ARHGEF40: variants seen among roughly 807,000 people sequenced by gnomAD.
The protein encoded by ARHGEF40 is Rho guanine nucleotide exchange factor 40.
ARHGEF40 carries 98 observed loss-of-function variants against 165.9 expected under a neutral mutation model. The ratio of observed to expected loss-of-function variants is 0.59; its 90% CI spans 0.50 to 0.70. The LOEUF is 0.70. ARHGEF40 is among the 30% of genes least tolerant of loss of function. The pLI, the probability that ARHGEF40 is intolerant of heterozygous loss-of-function variation, is 0.00. For missense variants in ARHGEF40, 1,815 were observed against 1,968.0 expected (o/e 0.92, Z 1.47); for synonymous variants, 792 against 814.3 (o/e 0.97, Z 0.47).
At chr14:21,088,598 A>C (rs1397927916) in intron 22 of ARHGEF40, among the ~76,000 whole-genome samples, 1 of 152,024 alleles carries the variant, frequency 6.6e-6, no homozygotes, top group Non-Finnish European at 1.5e-5. Flanking sequence ...AAGCAGGAGG[A>C]TCTCTTGAGC....
rs1594550741 is a variant in ARHGEF40, at chr14:21,073,815, G to A, written c.202-117G>A. Reference sequence around the variant, plus strand: ...CAAATCTCCCCTCCTGCTCTCCTGAGAGTATAACCTTCCAGGCATAAGGCT... The same window carrying A: ...CAAATCTCCCCTCCTGCTCTCCTGAAAGTATAACCTTCCAGGCATAAGGCT... On this transcript the variant is annotated intron_variant, in intron 2 of 23. Transcript: ENST00000298694. This position sits in a 1 kb window ranked among gnomAD's most constrained non-coding sequence, Gnocchi z 4.6. The A allele has an allele frequency of 8.2e-7, 1 of 1,217,262 alleles. No individual in the cohort carries two copies. Among genetic ancestry groups the A allele is most frequent in the Non-Finnish European group, 1.1e-6 (1 of 878,974 alleles). 75.4% of individuals were successfully genotyped at this position (1,217,262 alleles called of 1,614,324 possible). A position where few individuals can be genotyped will look rare whatever the true frequency, so the allele number is the denominator to read the frequency against.
rs75882726 is a variant in ARHGEF40 at position 21,087,415 on chromosome 14, C to T, written c.4339C>T (p.Arg1447Cys). Residue 1447 changes from arginine (R) to cysteine (C), a missense_variant, in exon 21 of 24, where the codon CGC (arginine) becomes TGC (cysteine). Coordinates refer to ENST00000298694, the MANE Select transcript of ARHGEF40 (RefSeq NM_018071.5). Reference protein sequence around the residue: ...LSPGACSLPARVEEEAWDLDV... With the variant: ...LSPGACSLPACVEEEAWDLDV... Reference sequence around the variant, plus strand: ...GCCGGGAGCCTGCTCCCTGCCTGCCCGCGTCGAGGAGGAGGCCTGGGATCT... The same window carrying T: ...GCCGGGAGCCTGCTCCCTGCCTGCCTGCGTCGAGGAGGAGGCCTGGGATCT... The T allele has an allele frequency of 5.2e-4, 839 of 1,601,728 alleles. 17 individuals carry two copies. The East Asian group carries it at 0.017, about 32-fold the overall frequency.
intron 15 of ARHGEF40, 71 bp downstream of exon 15, chr14:21,082,549 TTCTC>T: frequency 6.9e-7 from 1 of 1,450,950 alleles, no homozygotes; most frequent in Middle Eastern, 2.5e-4. Flanking sequence ...CTGTCCCTCT[TTCTC>T]AGTACCCACG....
chr14:21,087,575 C>A, intron 21 of ARHGEF40, 112 bp downstream of exon 21: 1 of 1,432,754 alleles, frequency 7.0e-7, no homozygotes, highest in Non-Finnish European at 9.4e-7. Flanking sequence ...GTTGCCATGA[C>A]AACTATGTAC....
chr14:21,076,484 C>T, intron 6 of ARHGEF40, 28 bp downstream of exon 6: 1 of 1,613,936 alleles, frequency 6.2e-7, no homozygotes, highest in Admixed American at 1.7e-5. Flanking sequence ...AGGCAGTTCC[C>T]CTGGATCCTA....
At position 21,081,048 on chromosome 14, in the gene ARHGEF40, C is replaced by T. The variant is rs764667593; in HGVS notation, c.2640+32C>T. On this transcript the variant is annotated intron_variant, in intron 13 of 23. Coordinates refer to ENST00000298694, the MANE Select transcript of ARHGEF40 (RefSeq NM_018071.5). ...GCAGAGCCTTTTCCTTCTGTGCCCC[C>T]CCATTTCCATTTATTCACTTCCTTT... 1.8e-5 allele frequency: 29 copies of T among 1,589,328 alleles called. 1 individual carries two copies. The highest frequency in any genetic ancestry group is 1.1e-4 in the South Asian group (10 of 88,510).
chr14:21,084,552 G>A (rs1433987632), intron 17 of ARHGEF40, among the ~76,000 whole-genome samples: 1 of 152,226 alleles, frequency 6.6e-6, no homozygotes, highest in Non-Finnish European at 1.5e-5. Context: ...GCCGTCTTCA[G>A]AGGCAGGGCT....
At position 21,074,112 on chromosome 14, in the gene ARHGEF40, G is replaced by A. The variant is rs1439851601; in HGVS notation, c.382G>A (p.Gly128Ser). The change falls in exon 3 of 24, where the codon GGT becomes AGT. Residue 128 changes from glycine (G) to serine (S), a missense_variant. Gly to Ser is a moderately conservative substitution (Grantham distance 56). Transcript: ENST00000298694. The surrounding 1 kb of genome is among the most constrained non-coding windows in gnomAD (Gnocchi z 4.8). ...RLALKCLAPG[G>S]GRVQEVPVPN... The stretch of plus-strand genomic sequence containing the variant: ...AGCACTCAAGTGTCTGGCCCCTGGG[G>A]GTGGGCGGGTGCAGGAGGTTCCTGT... 1 of 1,614,040 alleles carries A rather than the reference G, an allele frequency of 6.2e-7. No homozygotes were observed. The highest frequency in any genetic ancestry group is 8.5e-7 in the Non-Finnish European group (1 of 1,180,030).
chr14:21,081,025 A>G lies in ARHGEF40; in HGVS notation c.2640+9A>G. Reference sequence around the variant, plus strand: ...AGCGCTTCTTCCAGCAGGTGCATGCAGAGCCTTTTCCTTCTGTGCCCCCCC... The same window carrying G: ...AGCGCTTCTTCCAGCAGGTGCATGCGGAGCCTTTTCCTTCTGTGCCCCCCC... On this transcript the variant is annotated intron_variant, in intron 13 of 23. Coordinates refer to ENST00000298694, the MANE Select transcript of ARHGEF40 (RefSeq NM_018071.5). 1 of 1,609,244 alleles carries G rather than the reference A, an allele frequency of 6.2e-7. No individual in the cohort carries two copies. The highest frequency in any genetic ancestry group is 8.5e-7 in the Non-Finnish European group (1 of 1,177,434).
intron 11 of ARHGEF40, 68 bp downstream of exon 11, chr14:21,079,078 G>C: frequency 6.5e-7 from 1 of 1,542,558 alleles, no homozygotes; most frequent in Non-Finnish European, 8.7e-7. Context: ...TTTCCCGTTG[G>C]TACTTATAGT....
chr14:21,086,088 A>C, intron 19 of ARHGEF40: 1 of 528,526 alleles, frequency 1.9e-6, no homozygotes, highest in Non-Finnish European at 3.3e-6. Flanking sequence ...AGCAAGAGCA[A>C]GTAGGGGCCA....
In ARHGEF40 at chr14:21,081,523, G is replaced by A. The variant is rs763505267; in HGVS notation, c.2655G>A (p.Val885=). 2 of 1,613,078 alleles carry A rather than the reference G, an allele frequency of 1.2e-6. No homozygotes were observed. The highest frequency in any genetic ancestry group is 1.6e-4 in the Middle Eastern group (1 of 6,062). The change falls in exon 14 of 24, where the codon GTG becomes GTA. Residue 885 remains valine (V), a synonymous_variant. Coordinates refer to ENST00000298694, the MANE Select transcript of ARHGEF40 (RefSeq NM_018071.5). ...QRFFQQAHEW[V]DEGFARLAGA... is the part of the protein sequence containing the mutation. ...TGACTTCGTAGGCACATGAATGGGTGGATGAGGGCTTTGCTCGGCTGGCAG... is the reference window on the plus strand; with the variant it reads ...TGACTTCGTAGGCACATGAATGGGTAGATGAGGGCTTTGCTCGGCTGGCAG...
intron 7 of ARHGEF40, 29 bp from the exon 8 acceptor site, chr14:21,076,745 G>T: frequency 6.2e-7 from 1 of 1,612,756 alleles, no homozygotes. Flanking sequence ...GGGTGCCCAG[G>T]AAGAAACCCC....
intron 13 of ARHGEF40, chr14:21,081,270 A>G (rs112929900): frequency 6.5e-6 from 5 of 772,346 alleles, no homozygotes; most frequent in African/African-American, 5.3e-5. Flanking sequence ...CTTAGCACAG[A>G]GCCTGCCACT....
chr14:21,075,514 G>A lies in ARHGEF40; in HGVS notation c.1618+15G>A. ...CATCCTGACGGGTCAGTGGGCATCA[G>A]TGGGTGAAGGGAAACAGGACTGGGA... On this transcript the variant is annotated intron_variant, in intron 4 of 23. Transcript: ENST00000298694. The surrounding 1 kb of genome is among the most constrained non-coding windows in gnomAD (Gnocchi z 4.5). 3 of 1,614,104 alleles carry A rather than the reference G, an allele frequency of 1.9e-6. No homozygotes were observed. Among genetic ancestry groups the A allele is most frequent in the East Asian group, 4.5e-5 (2 of 44,902 alleles).
Position 21,081,573 on chromosome 14 carries a change from T to G in ARHGEF40, c.2705T>G (p.Val902Gly). The change falls in exon 14 of 24, where the codon GTG becomes GGG. Residue 902 changes from valine to glycine, a missense_variant. Transcript: ENST00000298694. ...GGAGCTGGGCCGGGTCGGGAGGCTG[T>G]GCTGGCTGCACTGGCCCTGCGGCGG... ...LAGAGPGREAVLAALALRRAP... is the reference protein window; with the variant it reads ...LAGAGPGREAGLAALALRRAP... 6.2e-7 allele frequency: 1 copy of G among 1,612,544 alleles called. No homozygotes were observed. Among genetic ancestry groups the G allele is most frequent in the Non-Finnish European group, 8.5e-7 (1 of 1,179,798 alleles).
chr14:21,065,152 T>G, the ARHGEF40 span, among the ~76,000 whole-genome samples: 3 of 150,286 alleles, frequency 2.0e-5, no homozygotes, highest in African/African-American at 7.4e-5. Flanking sequence ...GCCTGGGCGA[T>G]GAGCAAAACT....
Position 21,074,254 on chromosome 14 carries a change from G to A in ARHGEF40, c.524G>A (p.Arg175Gln), listed in dbSNP as rs369859283. 14 of 1,613,974 alleles carry A rather than the reference G, an allele frequency of 8.7e-6. No individual in the cohort carries two copies. The highest frequency in any genetic ancestry group is 2.2e-5 in the East Asian group (1 of 44,886). Residue 175 changes from arginine (R) to glutamine (Q), a missense_variant, in exon 3 of 24, where the codon CGG (arginine) becomes CAG (glutamine). Transcript: ENST00000298694. The surrounding 1 kb of genome is among the most constrained non-coding windows in gnomAD (Gnocchi z 4.8). ...CLLSAPSGIQ[R>Q]LPWAELICPR... ...CTGTCTGCGCCCTCTGGGATTCAGC[G>A]GCTGCCCTGGGCTGAGCTCATCTGT... is the stretch of plus-strand genomic sequence containing the variant.
Position 21,088,114 on chromosome 14 carries a change from G to C in ARHGEF40, c.4518+16G>C. 6.3e-7 allele frequency: 1 copy of C among 1,599,118 alleles called. No homozygotes were observed. The highest frequency in any genetic ancestry group is 1.1e-5 in the South Asian group (1 of 89,154). On this transcript the variant is annotated intron_variant, in intron 22 of 23. Transcript: ENST00000298694. ...ATCCCGACAGGTAAGTTCCTACAACGAGGCTGGGAACAATGTGATCTCTTT... is the reference window on the plus strand; with the variant it reads ...ATCCCGACAGGTAAGTTCCTACAACCAGGCTGGGAACAATGTGATCTCTTT...
Sources: gnomAD v4.1 joint callset for allele counts (sites outside exome capture counted in the v4.1 genomes callset) on GRCh38, gnomAD v4.1.1 for gene constraint, Gnocchi (gnomAD v3.1) non-coding constraint, MANE v1.5 for transcripts, NCBI Gene and HGNC (gene_info 2026-07-23, HGNC 2026-07-21) for gene names.